GNA14: variants seen among roughly 807,000 people sequenced by gnomAD.
GNA14 encodes guanine nucleotide-binding protein subunit alpha-14.
GNA14 carries 50 observed loss-of-function variants against 42.0 expected under a neutral mutation model. That is an observed-to-expected ratio of 1.19 (90% CI 0.95 to 1.51). The LOEUF (loss-of-function observed/expected upper bound fraction) is 1.51. Ranked by LOEUF, GNA14 falls within the 40% of genes most tolerant of loss-of-function variation. The pLI, the probability that GNA14 is intolerant of heterozygous loss-of-function variation, is 0.00. For missense variants in GNA14, 473 were observed against 446.2 expected (o/e 1.06, Z -0.54); for synonymous variants, 173 against 163.1 (o/e 1.06, Z -0.46).
chr9:77,533,061 C>T (rs1222086882), intron 1 of GNA14, among the ~76,000 whole-genome samples: 1 of 152,120 alleles, frequency 6.6e-6, no homozygotes, highest in African/African-American at 2.4e-5. Context: ...AATTCCGTCT[C>T]TAGACTCTGT....
intron 1 of GNA14, among the ~76,000 whole-genome samples, chr9:77,588,161 C>A (rs1047692144): frequency 3.3e-5 from 5 of 152,162 alleles, no homozygotes; most frequent in Admixed American, 2.0e-4. Flanking sequence ...AGATCCTAAT[C>A]CCATCTGCAA....
chr9:77,505,389 G>C (rs137976213), intron 2 of GNA14, among the ~76,000 whole-genome samples: 1 of 152,192 alleles, frequency 6.6e-6, no homozygotes, highest in African/African-American at 2.4e-5. Context: ...TCCCTTCCCG[G>C]TTACACTTTG....
chr9:77,590,655 T>TA lies in GNA14; in HGVS notation c.124+57014_124+57015insT, dbSNP rs564165918. Among the ~76,000 whole-genome samples the TA allele has an allele frequency of 6.4e-3, 972 of 152,166 alleles. 11 individuals carry two copies. The highest frequency in any genetic ancestry group is 0.022 in the African/African-American group (915 of 41,508). Reference sequence around the variant, plus strand: ...AGCACAGGGCAAGAGAAGTAACCTTTTTGAAGACCCGTTCACTCATGGGAC... The same window carrying TA: ...AGCACAGGGCAAGAGAAGTAACCTTTATTGAAGACCCGTTCACTCATGGGAC... On this transcript the variant is annotated intron_variant, in intron 1 of 6. Coordinates refer to ENST00000341700, the MANE Select transcript of GNA14 (RefSeq NM_004297.4).
chr9:77,618,188 G>A (rs1180884734), intron 1 of GNA14, among the ~76,000 whole-genome samples: 1 of 152,100 alleles, frequency 6.6e-6, no homozygotes, highest in African/African-American at 2.4e-5. Context: ...GCTGCTTTCT[G>A]AAAATCTTCT....
Position 77,538,941 on chromosome 9 carries a change from A to G in GNA14, c.125-9688T>C, listed in dbSNP as rs890135703. On this transcript the variant is annotated intron_variant, in intron 1 of 6. Coordinates refer to ENST00000341700, the MANE Select transcript of GNA14 (RefSeq NM_004297.4). Reference sequence around the variant, plus strand: ...GGCACACTCAGGAAAAAATAAGCTTATATCACCCACAAAGAGGTACAATTT... The same window carrying G: ...GGCACACTCAGGAAAAAATAAGCTTGTATCACCCACAAAGAGGTACAATTT... Among the ~76,000 whole-genome samples, 4 of 152,346 alleles carry G rather than the reference A, an allele frequency of 2.6e-5. No individual in the cohort carries two copies. The South Asian group carries it at 8.3e-4, about 32-fold the overall frequency.
At chr9:77,511,100 A>G (rs1256347603) in intron 2 of GNA14, among the ~76,000 whole-genome samples, 1 of 151,822 alleles carries the variant, frequency 6.6e-6, no homozygotes, top group Non-Finnish European at 1.5e-5. Context: ...AGAGGGGAGT[A>G]GAGGTTAAGA....
In GNA14 at chr9:77,471,083, T is replaced by C. The variant is rs938227966; in HGVS notation, c.310-36561A>G. Reference sequence around the variant, plus strand: ...GAGAGCAATAGGATGAATGCTGAGATGGGTTGGGCGTTCAAAACTGGAGGG... The same window carrying C: ...GAGAGCAATAGGATGAATGCTGAGACGGGTTGGGCGTTCAAAACTGGAGGG... On this transcript the variant is annotated intron_variant, in intron 2 of 6. Transcript: ENST00000341700. Among the ~76,000 whole-genome samples, 5 of 152,112 alleles carry C rather than the reference T, an allele frequency of 3.3e-5. No homozygotes were observed. In the East Asian group the frequency reaches 7.7e-4, roughly 23 times the overall value.
At chr9:77,511,031 G>C (rs1837157461) in intron 2 of GNA14, among the ~76,000 whole-genome samples, 2 of 149,886 alleles carry the variant, frequency 1.3e-5, no homozygotes, top group South Asian at 4.2e-4. Flanking sequence ...CTGGATTATA[G>C]GGCACCATGC....
At chr9:77,535,695 CCTT>C (rs1215512300) in intron 1 of GNA14, among the ~76,000 whole-genome samples, 4 of 152,080 alleles carry the variant, frequency 2.6e-5, no homozygotes, top group Non-Finnish European at 5.9e-5. Flanking sequence ...TTCTTGGGCC[CCTT>C]GTCAGGTCTA....
At chr9:77,569,266 G>T (rs1231263519) in intron 1 of GNA14, among the ~76,000 whole-genome samples, 1 of 151,964 alleles carries the variant, frequency 6.6e-6, no homozygotes, top group Non-Finnish European at 1.5e-5. Flanking sequence ...CTTGATCCTG[G>T]TTGTGACATG....
At chr9:77,525,555 T>C (rs1471023244) in intron 2 of GNA14, among the ~76,000 whole-genome samples, 1 of 151,324 alleles carries the variant, frequency 6.6e-6, no homozygotes, top group East Asian at 1.9e-4. Flanking sequence ...TTTTTTTTTT[T>C]TGAGATGGAG....
intron 1 of GNA14, among the ~76,000 whole-genome samples, chr9:77,626,433 C>G (rs964863207): frequency 1.3e-5 from 2 of 152,172 alleles, no homozygotes; most frequent in Non-Finnish European, 2.9e-5. Flanking sequence ...ACAGAATATA[C>G]ATTCTTCTCG....
chr9:77,578,783 G>C (rs564318958), intron 1 of GNA14, among the ~76,000 whole-genome samples: 1 of 152,284 alleles, frequency 6.6e-6, no homozygotes, highest in South Asian at 2.1e-4. Context: ...GAAGAGGTAG[G>C]CTTCAAATAC....
intron 3 of GNA14, 87 bp from the exon 4 acceptor site, chr9:77,431,536 C>T (rs1478778779): frequency 2.5e-6 from 3 of 1,199,148 alleles, no homozygotes; most frequent in Non-Finnish European, 3.6e-6. Context: ...CCCCCACTCA[C>T]AGTGAGCCCC....
chr9:77,594,683 A>C (rs1029495287), intron 1 of GNA14, among the ~76,000 whole-genome samples: 4 of 152,192 alleles, frequency 2.6e-5, no homozygotes, highest in Non-Finnish European at 4.4e-5. Flanking sequence ...AAAGGACTTG[A>C]AGGATTTATC....
At chr9:77,608,630 T>A (rs1266659992) in intron 1 of GNA14, among the ~76,000 whole-genome samples, 1 of 152,132 alleles carries the variant, frequency 6.6e-6, no homozygotes, top group Non-Finnish European at 1.5e-5. Flanking sequence ...GCTCTCCAAA[T>A]TGCCTTTGGG....
At chr9:77,441,777 C>G (rs1246255591) in intron 2 of GNA14, among the ~76,000 whole-genome samples, 2 of 152,166 alleles carry the variant, frequency 1.3e-5, no homozygotes, top group Non-Finnish European at 2.9e-5. Context: ...AATCACCCCT[C>G]TTTAACAACT....
chr9:77,537,866 T>C (rs1230467878), intron 1 of GNA14, among the ~76,000 whole-genome samples: 2 of 152,216 alleles, frequency 1.3e-5, no homozygotes, highest in Non-Finnish European at 2.9e-5. Flanking sequence ...TGGCCATTTG[T>C]ATGCCTTCTT....
intron 1 of GNA14, among the ~76,000 whole-genome samples, chr9:77,598,856 G>A (rs563459280): frequency 6.6e-6 from 1 of 152,096 alleles, no homozygotes; most frequent in Non-Finnish European, 1.5e-5. Flanking sequence ...AAACACCATG[G>A]TAAGTACTAA....
Sources: gnomAD v4.1 joint callset for allele counts (sites outside exome capture counted in the v4.1 genomes callset) on GRCh38, gnomAD v4.1.1 for gene constraint, MANE v1.5 for transcripts, NCBI Gene and HGNC (gene_info 2026-07-23, HGNC 2026-07-21) for gene names.